SCN9A: variants seen among roughly 807,000 people sequenced by gnomAD.
The protein encoded by SCN9A is sodium channel protein type 9 subunit alpha.
Under a neutral mutation model 187.0 loss-of-function variants are expected in SCN9A, and 131 were observed. The observed-to-expected ratio is 0.70, with a 90% CI of 0.61 to 0.81. The LOEUF (loss-of-function observed/expected upper bound fraction) is 0.81. Ranked by LOEUF, SCN9A falls within the 30% of genes least tolerant of loss-of-function variation. The probability of loss-of-function intolerance (pLI) is 0.00; values close to 1 mark genes in which losing one functional copy is unlikely to be tolerated. For missense variants in SCN9A, 2,252 were observed against 2,396.6 expected, an observed-to-expected ratio of 0.94 and a Z score of 1.26; for synonymous variants, 809 against 808.6, an observed-to-expected ratio of 1.00 and a Z score of -0.01.
chr2:166,285,923 G>A (rs1157642326), intron 11 of SCN9A, among the ~76,000 whole-genome samples: 3 of 152,094 alleles, frequency 2.0e-5, no homozygotes, highest in Non-Finnish European at 4.4e-5. Context: ...CCAAATGGGT[G>A]AGTGATACTA....
chr2:166,209,172 C>A (rs1693960342), intron 24 of SCN9A, among the ~76,000 whole-genome samples: 1 of 152,200 alleles, frequency 6.6e-6, no homozygotes, highest in South Asian at 2.1e-4. Flanking sequence ...GTCCATAAAT[C>A]TTGGTGGCTG....
In SCN9A at chr2:166,286,379, C is replaced by T. The variant is rs1437658105; in HGVS notation, c.1559G>A (p.Gly520Glu). Reference sequence around the variant, plus strand: ...CCTCTTTTCATGTGCTCGCCTATGCCCTTCGACACCAAGGTGGAAACTTTT... The same window carrying T: ...CCTCTTTTCATGTGCTCGCCTATGCTCTTCGACACCAAGGTGGAAACTTTT... ...RRKSFHLGVE[G>E]HRRAHEKRLS... Residue 520 changes from glycine (G) to glutamate (E), a missense_variant, in exon 11 of 27, where the codon GGG becomes GAG. Physicochemically the swap from Gly to Glu is moderately conservative, Grantham distance 98. Coordinates refer to ENST00000642356, the MANE Select transcript of SCN9A (RefSeq NM_001365536.1). The T allele has an allele frequency of 6.2e-7, 1 of 1,613,412 alleles. No homozygotes were observed. The highest frequency in any genetic ancestry group is 8.5e-7 in the Non-Finnish European group (1 of 1,179,732).
chr2:166,198,870 A>C lies in SCN9A; in HGVS notation c.5769T>G (p.Asp1923Glu). ...TATCTTTTTTATTGAGTAAATCATC[A>C]TCTCTGTCTCCATCTTTTATGTATA... ...SSIYIKDGDR[D>E]DDLLNKKDMA... The change falls in exon 27 of 27, where the codon GAT becomes GAG. Residue 1923 changes from aspartate to glutamate, a missense_variant. Coordinates refer to ENST00000642356, the MANE Select transcript of SCN9A (RefSeq NM_001365536.1). 2 of 1,613,856 alleles carry C rather than the reference A, an allele frequency of 1.2e-6. No homozygotes were observed. Among genetic ancestry groups the C allele is most frequent in the Non-Finnish European group, 1.7e-6 (2 of 1,179,772 alleles).
At chr2:166,278,002 A>G in intron 15 of SCN9A, 138 bp downstream of exon 15, 1 of 627,112 alleles carries the variant, frequency 1.6e-6, no homozygotes, top group South Asian at 2.6e-5. Context: ...TTTGTCAATG[A>G]ATGGATTTTA....
At chr2:166,212,219 C>G (rs1418903207) in intron 24 of SCN9A, among the ~76,000 whole-genome samples, 2 of 152,140 alleles carry the variant, frequency 1.3e-5, no homozygotes, top group Non-Finnish European at 2.9e-5. Flanking sequence ...CTTGCAGGAC[C>G]TGTGGATAAA....
Position 166,373,616 on chromosome 2 carries a change from G to T in SCN9A, c.-51+2081C>A, listed in dbSNP as rs182500442. Among the ~76,000 whole-genome samples the T allele has an allele frequency of 1.1e-3, 163 of 152,188 alleles. 1 individual carries two copies. In the Middle Eastern group the frequency reaches 0.014, roughly 13 times the overall value. On this transcript the variant is annotated intron_variant, in intron 1 of 26. Transcript: ENST00000642356. Reference sequence around the variant, plus strand: ...GGAAAGGGCTGAAATGGAGTAATAAGGAAGAGAGCAATCAAAGGTGATTTC... The same window carrying T: ...GGAAAGGGCTGAAATGGAGTAATAATGAAGAGAGCAATCAAAGGTGATTTC...
chr2:166,315,648 A>G (rs1699090782), intron 1 of SCN9A, among the ~76,000 whole-genome samples: 1 of 152,202 alleles, frequency 6.6e-6, no homozygotes. Context: ...ATAGCTTTGA[A>G]GAAGAGCAGC....
At chr2:166,221,540 A>G (rs1431562860) in intron 24 of SCN9A, among the ~76,000 whole-genome samples, 1 of 152,132 alleles carries the variant, frequency 6.6e-6, no homozygotes, top group African/African-American at 2.4e-5. Context: ...AGCTAGGACT[A>G]TAGGTGTGTG....
chr2:166,275,702 T>C (rs1451898796), intron 16 of SCN9A, among the ~76,000 whole-genome samples: 1 of 152,176 alleles, frequency 6.6e-6, no homozygotes, highest in Non-Finnish European at 1.5e-5. Context: ...TGTAAGGCTA[T>C]ATAAAACTAG....
chr2:166,324,903 T>C (rs1351109323), intron 1 of SCN9A, among the ~76,000 whole-genome samples: 1 of 152,074 alleles, frequency 6.6e-6, no homozygotes, highest in Non-Finnish European at 1.5e-5. Context: ...CTGGGTGAGA[T>C]CTTGAAAGAG....
chr2:166,317,456 T>C (rs1026700812), intron 1 of SCN9A, among the ~76,000 whole-genome samples: 1 of 152,146 alleles, frequency 6.6e-6, no homozygotes, highest in South Asian at 2.1e-4. Context: ...TCACCATTAA[T>C]CTCATATTAG....
At chr2:166,251,684 C>T (rs1696043292) in intron 18 of SCN9A, 81 bp downstream of exon 18, 2 of 1,478,216 alleles carry the variant, frequency 1.4e-6, no homozygotes, top group Non-Finnish European at 9.4e-7. Flanking sequence ...TACCGACAAC[C>T]TCTGGTAAGT....
intron 24 of SCN9A, among the ~76,000 whole-genome samples, chr2:166,209,805 C>A (rs929442014): frequency 2.6e-5 from 4 of 151,876 alleles, no homozygotes; most frequent in Non-Finnish European, 5.9e-5. Context: ...AGTCAGGAAA[C>A]AACAGGTGCT....
rs1695411661 is a variant in SCN9A at position 166,238,322 on chromosome 2, T to C, written c.3628-55A>G. 2.5e-6 allele frequency: 3 copies of C among 1,184,654 alleles called. No homozygotes were observed. The South Asian group carries it at 4.5e-5, about 18-fold the overall frequency. The allele number at this position is 1,184,654 out of a possible 1,614,324, so 73.4% of individuals were successfully genotyped here. A position where few individuals can be genotyped will look rare whatever the true frequency, so the allele number is the denominator to read the frequency against. On this transcript the variant is annotated intron_variant, in intron 19 of 26. Transcript: ENST00000642356. The stretch of plus-strand genomic sequence containing the variant: ...TGCACAACTTAAGCTTCATGATTCA[T>C]TTAAAAAAAACAGGAAAAATACAAT...
intron 1 of SCN9A, among the ~76,000 whole-genome samples, chr2:166,321,883 C>T (rs148096531): frequency 6.2e-4 from 93 of 150,110 alleles, no homozygotes; most frequent in African/African-American, 2.2e-3. Flanking sequence ...CTCATACTCA[C>T]TCATCCCTCA....
intron 1 of SCN9A, among the ~76,000 whole-genome samples, chr2:166,344,604 T>A (rs1410602567): frequency 6.6e-6 from 1 of 152,210 alleles, no homozygotes; most frequent in Non-Finnish European, 1.5e-5. Flanking sequence ...ATGTTAGATC[T>A]TGTGTAAAAG....
intron 24 of SCN9A, chr2:166,204,716 T>C: frequency 8.5e-6 from 2 of 235,302 alleles, no homozygotes; most frequent in Non-Finnish European, 1.6e-5. Context: ...AATATTCTTT[T>C]GGTGTGCTAA....
chr2:166,352,052 A>G (rs976373388), intron 1 of SCN9A, among the ~76,000 whole-genome samples: 3 of 152,202 alleles, frequency 2.0e-5, no homozygotes, highest in African/African-American at 7.2e-5. Flanking sequence ...AAACACGTAC[A>G]ATGTTAAAAT....
rs1553488840 is a variant in SCN9A at position 166,280,506 on chromosome 2, T to G, written c.2194A>C (p.Lys732Gln). The change falls in exon 14 of 27, where the codon AAA (lysine) becomes CAA (glutamine). Residue 732 changes from lysine to glutamine, a missense_variant. Transcript: ENST00000642356. ...ATAAAATAGATACACTTTTTGAATT[T>G]TATCCAATATGGAGAGCAATTCCAG... Reference protein sequence around the residue: ...LIWNCSPYWIKFKKCIYFIVM... With the variant: ...LIWNCSPYWIQFKKCIYFIVM... The G allele has an allele frequency of 6.3e-7, 1 of 1,588,838 alleles. No individual in the cohort carries two copies.
Sources: allele counts gnomAD v4.1 joint callset (sites outside exome capture counted in the v4.1 genomes callset), GRCh38; gene constraint gnomAD v4.1.1; transcripts MANE v1.5; gene names NCBI Gene and HGNC (gene_info 2026-07-23, HGNC 2026-07-21).